The following SORCS1 variants were observed in gnomAD, a reference collection of about 807,000 sequenced individuals.
SORCS1 encodes the protein sortilin related VPS10 domain containing receptor 1.
A neutral mutation model predicts 146.1 loss-of-function variants in SORCS1; 60 were observed. The ratio of observed to expected loss-of-function variants is 0.41; its 90% CI spans 0.33 to 0.51. The LOEUF is 0.51. SORCS1 is among the 20% of genes least tolerant of loss of function. SORCS1 has a pLI of 0.21. For missense variants in SORCS1, 1,352 were observed against 1,487.6 expected, an observed-to-expected ratio of 0.91 and a Z score of 1.50; for synonymous variants, 637 against 584.0, an observed-to-expected ratio of 1.09 and a Z score of -1.31.
chr10:106,857,184 G>C (rs1036922011), intron 2 of SORCS1, among the ~76,000 whole-genome samples: 2 of 152,182 alleles, frequency 1.3e-5, no homozygotes, highest in Non-Finnish European at 2.9e-5. Flanking sequence ...TCCACATGAA[G>C]GGTGAATGAA....
At chr10:107,089,207 C>A (rs888374829) in intron 1 of SORCS1, among the ~76,000 whole-genome samples, 4 of 151,876 alleles carry the variant, frequency 2.6e-5, no homozygotes, top group Non-Finnish European at 5.9e-5. Flanking sequence ...GTTTTGCTGG[C>A]GTCTTTGTTA....
Position 106,607,185 on chromosome 10 carries a change from G to GA in SORCS1, c.3145dup (p.Ser1049PhefsTer3). 6.2e-7 allele frequency: 1 copy of GA among 1,614,054 alleles called. No individual in the cohort carries two copies. Among genetic ancestry groups the GA allele is most frequent in the Non-Finnish European group, 8.5e-7 (1 of 1,179,950 alleles). On this transcript the variant is annotated frameshift_variant, in exon 23 of 26. Transcript: ENST00000263054. LOFTEE classifies it high-confidence loss of function. The stretch of plus-strand genomic sequence containing the variant: ...ACTCACCTGCTCCAGGTCATCAGTT[G>GA]ACCTTTTGTTTTCTCCAGCTGGATC...
At chr10:106,929,773 G>GCACACA (rs36086801) in intron 2 of SORCS1, among the ~76,000 whole-genome samples, 3,901 of 150,348 alleles carry the variant, frequency 0.026, 123 homozygotes, top group African/African-American at 0.075. Context: ...ATGTGCACGT[G>GCACACA]CACACACACA....
chr10:107,092,578 C>T (rs1964266133), intron 1 of SORCS1, among the ~76,000 whole-genome samples: 2 of 152,216 alleles, frequency 1.3e-5, no homozygotes, highest in African/African-American at 4.8e-5. Context: ...TGGGCTCCTT[C>T]ATTCTTCTTA....
At chr10:107,065,510 C>CTCCTCTCTCTCTT (rs71025577) in intron 1 of SORCS1, among the ~76,000 whole-genome samples, 4 of 86,358 alleles carry the variant, frequency 4.6e-5, no homozygotes, top group African/African-American at 1.6e-4. Context: ...CTCCTCTCCT[C>CTCCTCTCTCTCTT]TCTTTCTTTC....
intron 2 of SORCS1, among the ~76,000 whole-genome samples, chr10:106,947,703 G>A (rs370166697): frequency 3.3e-5 from 5 of 152,124 alleles, no homozygotes; most frequent in East Asian, 3.9e-4. Context: ...AAAATTAGCC[G>A]GGCCTGGTGG....
chr10:106,773,831 C>G (rs1312250596), intron 4 of SORCS1, among the ~76,000 whole-genome samples: 2 of 152,138 alleles, frequency 1.3e-5, no homozygotes, highest in Non-Finnish European at 2.9e-5. Context: ...CACCTGTAAT[C>G]CCAGCTACTT....
At chr10:106,893,450 T>G (rs1951316205) in intron 2 of SORCS1, among the ~76,000 whole-genome samples, 1 of 152,226 alleles carries the variant, frequency 6.6e-6, no homozygotes, top group Non-Finnish European at 1.5e-5. Flanking sequence ...GCTATGTACT[T>G]CTCATAATTC....
chr10:106,841,437 TC>T (rs960556263), intron 2 of SORCS1, among the ~76,000 whole-genome samples: 8 of 151,840 alleles, frequency 5.3e-5, no homozygotes, highest in African/African-American at 1.9e-4. Flanking sequence ...AGCACTGCAC[TC>T]CAGCCTGGGC....
At chr10:106,607,418 G>T in intron 22 of SORCS1, 121 bp from the exon 23 acceptor site, 1 of 1,326,508 alleles carries the variant, frequency 7.5e-7, no homozygotes, top group Non-Finnish European at 1.0e-6. Context: ...TGAAAGCAGA[G>T]GCCTGGGCAT....
intron 3 of SORCS1, among the ~76,000 whole-genome samples, chr10:106,813,710 G>C (rs930253185): frequency 6.6e-6 from 1 of 152,174 alleles, no homozygotes; most frequent in Admixed American, 6.5e-5. Context: ...TGAGGCAGGA[G>C]GATCACTTGG....
rs71025563 is a variant in SORCS1 at position 106,841,477 on chromosome 10, T to TACACAC, written c.627-11810_627-11805dup. On this transcript the variant is annotated intron_variant, in intron 2 of 25. Transcript: ENST00000263054. Reference sequence around the variant, plus strand: ...AGAGTGAGACTCCATTTCAATAAAATACACACACACACACACACACATTGT... The same window carrying TACACAC: ...AGAGTGAGACTCCATTTCAATAAAATACACACACACACACACACACACACACATTGT... Among the ~76,000 whole-genome samples the TACACAC allele has an allele frequency of 5.8e-3, 880 of 150,464 alleles. 3 individuals are homozygous for TACACAC. The highest frequency in any genetic ancestry group is 8.6e-3 in the African/African-American group (352 of 41,112).
chr10:106,805,463 A>C (rs1947115998), intron 3 of SORCS1, among the ~76,000 whole-genome samples: 1 of 152,216 alleles, frequency 6.6e-6, no homozygotes, highest in Admixed American at 6.5e-5. Context: ...CATCAAAGGA[A>C]CTACAATATG....
chr10:107,152,587 A>C (rs1368500794), intron 1 of SORCS1, among the ~76,000 whole-genome samples: 9 of 152,094 alleles, frequency 5.9e-5, no homozygotes, highest in Admixed American at 5.9e-4. Flanking sequence ...GTGAGCTCTC[A>C]TGGGATCTGA....
intron 2 of SORCS1, among the ~76,000 whole-genome samples, chr10:106,924,462 T>TACCG (rs748165429): frequency 2.0e-5 from 2 of 98,712 alleles, no homozygotes; most frequent in East Asian, 6.2e-4. Context: ...ATTCCACAGT[T>TACCG]ATCGATCTAT....
At position 107,164,197 on chromosome 10, in the gene SORCS1, C is replaced by T. The variant is rs560083271; in HGVS notation, c.330G>A (p.Arg110=). The T allele has an allele frequency of 2.2e-5, 36 of 1,610,854 alleles. No individual in the cohort carries two copies. Among genetic ancestry groups the T allele is most frequent in the Non-Finnish European group, 3.0e-5 (35 of 1,179,948 alleles). The change falls in exon 1 of 26, where the codon CGG becomes CGA. Residue 110 remains arginine, a synonymous_variant. Coordinates refer to ENST00000263054, the MANE Select transcript of SORCS1 (RefSeq NM_052918.5). The surrounding 1 kb of genome is among the most constrained non-coding windows in gnomAD (Gnocchi z 6.8). ...AVAARSGRRR[R]SGADQEKAER... The stretch of plus-strand genomic sequence containing the variant: ...CTGCCTTCTCCTGATCCGCTCCGCT[C>T]CGTCTCCTCCGGCCGGAGCGTGCAG...
intron 1 of SORCS1, among the ~76,000 whole-genome samples, chr10:107,127,121 CA>C (rs35533219): frequency 2.0e-5 from 3 of 150,680 alleles, no homozygotes; most frequent in Non-Finnish European, 3.0e-5. Context: ...TTGCATAAAA[CA>C]AAAAAAAATG....
At chr10:106,849,985 T>A (rs1949482845) in intron 2 of SORCS1, among the ~76,000 whole-genome samples, 2 of 152,170 alleles carry the variant, frequency 1.3e-5, no homozygotes, top group South Asian at 4.1e-4. Flanking sequence ...ACTGCTGTCT[T>A]CAAAGCTGTC....
At chr10:107,177,107 T>C in the SORCS1 span, among the ~76,000 whole-genome samples, 5 of 152,324 alleles carry the variant, frequency 3.3e-5, no homozygotes, top group South Asian at 1.0e-3. Context: ...CTCCTTTATG[T>C]TATTTTTTGC....
Sources: gnomAD v4.1 joint callset for allele counts (sites outside exome capture counted in the v4.1 genomes callset) on GRCh38, gnomAD v4.1.1 for gene constraint, Gnocchi (gnomAD v3.1) non-coding constraint, MANE v1.5 for transcripts, NCBI Gene and HGNC (gene_info 2026-07-23, HGNC 2026-07-21) for gene names.